Variants in KIRREL3 observed in about 807,000 individuals in gnomAD.
The protein encoded by KIRREL3 is kirre like nephrin family adhesion molecule 3.
Under a neutral mutation model 89.7 loss-of-function variants are expected in KIRREL3, and 36 were observed. The observed-to-expected ratio is 0.40, with a 90% CI of 0.31 to 0.53. KIRREL3 has a LOEUF of 0.53. Ranked by LOEUF, KIRREL3 falls within the 20% of genes least tolerant of loss-of-function variation. The pLI is 0.49. For synonymous variants in KIRREL3, 445 were observed against 441.4 expected (o/e 1.01, Z -0.10); for missense variants, 864 against 1,056.6 (o/e 0.82, Z 2.53).
intron 1 of KIRREL3, among the ~76,000 whole-genome samples, chr11:126,649,253 A>G (rs930123519): frequency 5.9e-5 from 9 of 152,140 alleles, no homozygotes; most frequent in African/African-American, 2.2e-4. Context: ...GAGCCAAACC[A>G]TATCATTCTG....
At chr11:126,856,814 C>T (rs945730775) in intron 1 of KIRREL3, among the ~76,000 whole-genome samples, 1 of 151,832 alleles carries the variant, frequency 6.6e-6, no homozygotes, top group East Asian at 1.9e-4. Context: ...AGGATGGTCT[C>T]GATCTCCTGA....
At position 126,440,322 on chromosome 11, in the gene KIRREL3, A is replaced by T. The variant is rs1048029545; in HGVS notation, c.1353+127T>A. On this transcript the variant is annotated intron_variant, in intron 11 of 16. Transcript: ENST00000525144. The stretch of plus-strand genomic sequence containing the variant: ...CTTTTCCAAGACAGCCAAGGCAGGT[A>T]TAATTTTCCTCAGCAAGAAAGAGGA... 2.5e-5 allele frequency: 20 copies of T among 811,780 alleles called. No individual in the cohort carries two copies. The African/African-American group carries it at 3.2e-4, about 13-fold the overall frequency. 50.3% of individuals were successfully genotyped at this position (811,780 alleles called of 1,614,324 possible).
rs1861102132 is a variant in KIRREL3, at chr11:126,689,108, G to A, written c.56-126196C>T. ...TATTGTAATAACGTATTGAGCATGAGCTGCCTGATCTTTGCCAGGTGATAA... is the reference window on the plus strand; with the variant it reads ...TATTGTAATAACGTATTGAGCATGAACTGCCTGATCTTTGCCAGGTGATAA... On this transcript the variant is annotated intron_variant, in intron 1 of 16. Transcript: ENST00000525144. This position sits in a 1 kb window ranked among gnomAD's most constrained non-coding sequence, Gnocchi z 5.2. 6.6e-6 allele frequency among the ~76,000 whole-genome samples: 1 copy of A among 151,596 alleles called. No individual in the cohort carries two copies. Among genetic ancestry groups the A allele is most frequent in the Non-Finnish European group, 1.5e-5 (1 of 67,946 alleles).
chr11:126,438,702 G>A (rs774350654), intron 11 of KIRREL3, among the ~76,000 whole-genome samples: 45 of 152,246 alleles, frequency 3.0e-4, no homozygotes, highest in Admixed American at 3.9e-4. Context: ...ATGGGGAGGC[G>A]TAGGTATTAG....
At position 126,424,370 on chromosome 11, in the gene KIRREL3, T is replaced by TCCCCCCCCCCCCC; in HGVS notation, c.*209_*210insGGGGGGGGGGGGG. On this transcript the variant is annotated 3_prime_UTR_variant, in exon 17 of 17. Coordinates refer to ENST00000525144, the MANE Select transcript of KIRREL3 (RefSeq NM_032531.4). ...CACTCAGCCGCAGCCTCTGTCTGTC[T>TCCCCCCCCCCCCC]CCCCACCCGCCCACCTCTGGCACAC... 2.1e-6 allele frequency: 1 copy of TCCCCCCCCCCCCC among 483,208 alleles called. No homozygotes were observed. The highest frequency in any genetic ancestry group is 3.8e-6 in the Non-Finnish European group (1 of 260,500). The allele number at this position is 483,208 out of a possible 1,614,324, so 29.9% of individuals were successfully genotyped here.
intron 1 of KIRREL3, among the ~76,000 whole-genome samples, chr11:126,800,651 T>C (rs757221249): frequency 1.3e-5 from 2 of 152,146 alleles, no homozygotes; most frequent in African/African-American, 4.8e-5. Flanking sequence ...CAGGATTACC[T>C]CAGGAATAAT....
chr11:126,543,653 G>A (rs188868763), intron 2 of KIRREL3, among the ~76,000 whole-genome samples: 29 of 152,272 alleles, frequency 1.9e-4, no homozygotes, highest in African/African-American at 7.0e-4. Flanking sequence ...AAAGCTGATG[G>A]GAAGCCGATA....
In KIRREL3 at chr11:126,535,212, AG is replaced by A. The variant is rs1426155376; in HGVS notation, c.134-8526del. On this transcript the variant is annotated intron_variant, in intron 2 of 16. Coordinates refer to ENST00000525144, the MANE Select transcript of KIRREL3 (RefSeq NM_032531.4). The surrounding 1 kb of genome is among the most constrained non-coding windows in gnomAD (Gnocchi z 4.5). ...ACTCCTCCTGACTGCTCTTCCCAAA[AG>A]CCCCCTCTAGATTTCCCTCCTGCGC... 6.6e-6 allele frequency among the ~76,000 whole-genome samples: 1 copy of A among 151,888 alleles called. No homozygotes were observed. The highest frequency in any genetic ancestry group is 2.4e-5 in the African/African-American group (1 of 41,340).
In KIRREL3 at chr11:126,772,751, C is replaced by A. The variant is rs191972585; in HGVS notation, c.56-209839G>T. Reference sequence around the variant, plus strand: ...GAAGTCACTGCAGCCTCTGGGGGTGCCATCGTGGTGCCTTCTGCTTCCTCC... The same window carrying A: ...GAAGTCACTGCAGCCTCTGGGGGTGACATCGTGGTGCCTTCTGCTTCCTCC... On this transcript the variant is annotated intron_variant, in intron 1 of 16. Transcript: ENST00000525144. This position sits in a 1 kb window ranked among gnomAD's most constrained non-coding sequence, Gnocchi z 4.6. Among the ~76,000 whole-genome samples the A allele has an allele frequency of 6.6e-6, 1 of 152,316 alleles. No homozygotes were observed. The highest frequency in any genetic ancestry group is 1.9e-4 in the East Asian group (1 of 5,166).
intron 1 of KIRREL3, among the ~76,000 whole-genome samples, chr11:126,874,850 G>A (rs530118302): frequency 2.1e-4 from 32 of 152,266 alleles, no homozygotes; most frequent in African/African-American, 7.2e-4. Flanking sequence ...ACACAGCCTG[G>A]TCTGGCCTCC....
chr11:126,827,160 G>T (rs553035105), intron 1 of KIRREL3, among the ~76,000 whole-genome samples: 1 of 148,828 alleles, frequency 6.7e-6, no homozygotes, highest in African/African-American at 2.5e-5. Flanking sequence ...GAATCAATAT[G>T]GAAGTCTTCC....
At chr11:126,577,110 C>T (rs1941294361) in intron 1 of KIRREL3, among the ~76,000 whole-genome samples, 1 of 152,152 alleles carries the variant, frequency 6.6e-6, no homozygotes, top group South Asian at 2.1e-4. Flanking sequence ...ACAGAGCTCT[C>T]TTTCAATAAA....
At position 126,643,600 on chromosome 11, in the gene KIRREL3, C is replaced by A. The variant is rs915097249; in HGVS notation, c.56-80688G>T. 6.6e-6 allele frequency among the ~76,000 whole-genome samples: 1 copy of A among 152,116 alleles called. No individual in the cohort carries two copies. The highest frequency in any genetic ancestry group is 2.4e-5 in the African/African-American group (1 of 41,420). ...TGATGATATAGACTTGATCCTTGGG[C>A]AAAAGTGCATTAGTAGGGATTCTGG... On this transcript the variant is annotated intron_variant, in intron 1 of 16. Transcript: ENST00000525144. The surrounding 1 kb of genome is among the most constrained non-coding windows in gnomAD (Gnocchi z 4.5).
Position 126,652,035 on chromosome 11 carries a change from G to A in KIRREL3, c.56-89123C>T, listed in dbSNP as rs1308261357. Among the ~76,000 whole-genome samples the A allele has an allele frequency of 6.6e-6, 1 of 152,174 alleles. No homozygotes were observed. The highest frequency in any genetic ancestry group is 1.5e-5 in the Non-Finnish European group (1 of 68,022). On this transcript the variant is annotated intron_variant, in intron 1 of 16. Transcript: ENST00000525144. The surrounding 1 kb of genome is among the most constrained non-coding windows in gnomAD (Gnocchi z 4.9). ...GGCAAAAAGCGGAGTTCATCCTTGT[G>A]CTAACCAAAGAAAAGATGAAATGGT...
At chr11:126,440,121 C>T (rs956724115) in intron 11 of KIRREL3, 4 of 543,974 alleles carry the variant, frequency 7.4e-6, no homozygotes, top group South Asian at 6.5e-5. Context: ...TGGCCTGGAG[C>T]CCAGGAAGAG....
At chr11:126,425,313 G>C (rs1274987919) in intron 16 of KIRREL3, among the ~76,000 whole-genome samples, 1 of 152,196 alleles carries the variant, frequency 6.6e-6, no homozygotes, top group African/African-American at 2.4e-5. Context: ...TCTTGACTGG[G>C]TTTATGTCAG....
At chr11:126,758,092 T>C (rs1292074160) in intron 1 of KIRREL3, among the ~76,000 whole-genome samples, 2 of 152,222 alleles carry the variant, frequency 1.3e-5, no homozygotes, top group African/African-American at 2.4e-5. Flanking sequence ...ACACCAGAGT[T>C]CCTGCTGTGA....
rs1349980088 is a variant in KIRREL3 at position 126,837,023 on chromosome 11, T to G, written c.55+163432A>C. On this transcript the variant is annotated intron_variant, in intron 1 of 16. Coordinates refer to ENST00000525144, the MANE Select transcript of KIRREL3 (RefSeq NM_032531.4). This position sits in a 1 kb window ranked among gnomAD's most constrained non-coding sequence, Gnocchi z 4.7. The stretch of plus-strand genomic sequence containing the variant: ...GGCCTGACCCATAGAAGATATTTGT[T>G]AAGTATTTTTTTGGGGGGCGGGGGG... Among the ~76,000 whole-genome samples, 4 of 144,684 alleles carry G rather than the reference T, an allele frequency of 2.8e-5. No homozygotes were observed. The highest frequency in any genetic ancestry group is 9.9e-5 in the African/African-American group (4 of 40,282). 94.9% of individuals were successfully genotyped at this position (144,684 alleles called of 152,430 possible). A position where few individuals can be genotyped will look rare whatever the true frequency, so the allele number is the denominator to read the frequency against.
intron 1 of KIRREL3, among the ~76,000 whole-genome samples, chr11:126,693,633 C>CACACACA (rs1231272271): frequency 7.6e-5 from 8 of 104,800 alleles, no homozygotes; most frequent in East Asian, 3.4e-4. Flanking sequence ...ACACACACAC[C>CACACACA]CATAGTCAGA....
Sources: allele counts gnomAD v4.1 joint callset (sites outside exome capture counted in the v4.1 genomes callset), GRCh38; gene constraint gnomAD v4.1.1; non-coding constraint Gnocchi (gnomAD v3.1); transcripts MANE v1.5; gene names NCBI Gene and HGNC (gene_info 2026-07-23, HGNC 2026-07-21).